USP15: variants seen among roughly 807,000 people sequenced by gnomAD.
USP15 encodes ubiquitin specific peptidase 15.
USP15 carries 18 observed loss-of-function variants against 127.1 expected under a neutral mutation model. That is an observed-to-expected ratio of 0.14 (90% CI 0.10 to 0.21). The LOEUF (loss-of-function observed/expected upper bound fraction) is 0.21, where lower values mean the gene tolerates loss of function less well. Ranked by LOEUF, USP15 falls within the 10% of genes least tolerant of loss-of-function variation. The pLI is 1.00. For missense variants in USP15, 805 were observed against 1,159.9 expected (o/e 0.69, Z 4.44); for synonymous variants, 364 against 393.7 (o/e 0.92, Z 0.89).
At chr12:62,398,502 TTA>T (rs1420289762) in intron 20 of USP15, among the ~76,000 whole-genome samples, 1 of 152,252 alleles carries the variant, frequency 6.6e-6, no homozygotes, top group Non-Finnish European at 1.5e-5. Context: ...CAGATTTTCA[TTA>T]TCTTTCAATT....
chr12:62,323,708 T>G (rs1310762152), intron 5 of USP15, among the ~76,000 whole-genome samples: 1 of 152,172 alleles, frequency 6.6e-6, no homozygotes, highest in Non-Finnish European at 1.5e-5. Context: ...AAGTACAATT[T>G]GAAATCTATA....
At chr12:62,301,371 A>G (rs1276680584) in intron 2 of USP15, among the ~76,000 whole-genome samples, 3 of 152,196 alleles carry the variant, frequency 2.0e-5, no homozygotes, top group African/African-American at 4.8e-5. Context: ...TTTTATCCAT[A>G]TGACCGATTG....
chr12:62,291,099 G>A (rs1214725822), intron 1 of USP15, among the ~76,000 whole-genome samples: 1 of 151,884 alleles, frequency 6.6e-6, no homozygotes, highest in South Asian at 2.1e-4. Flanking sequence ...TATTTTTCTG[G>A]GTTTCATTGA....
chr12:62,339,299 A>G (rs530983482), intron 6 of USP15, among the ~76,000 whole-genome samples: 22 of 152,270 alleles, frequency 1.4e-4, no homozygotes, highest in African/African-American at 4.1e-4. Context: ...GACTGAGACA[A>G]TGGGCTTTTC....
chr12:62,385,458 C>T (rs1330123916), intron 11 of USP15, among the ~76,000 whole-genome samples: 2 of 151,902 alleles, frequency 1.3e-5, no homozygotes, highest in Non-Finnish European at 2.9e-5. Context: ...TCCTTTTATT[C>T]AAAGTAATTA....
chr12:62,404,237 C>G lies in USP15; in HGVS notation c.2808C>G (p.Phe936Leu). Residue 936 changes from phenylalanine to leucine, a missense_variant, in exon 22 of 22, where the codon TTC (phenylalanine) becomes TTG (leucine). Coordinates refer to ENST00000280377, the MANE Select transcript of USP15 (RefSeq NM_001252078.2). ...YVLFYQRQDT[F>L]SGTGFFPLDR... ...TCTTCTACCAGAGACAAGACACTTT[C>G]AGTGGAACTGGCTTTTTTCCTCTTG... The G allele has an allele frequency of 1.2e-6, 2 of 1,613,250 alleles. No homozygotes were observed. Among genetic ancestry groups the G allele is most frequent in the East Asian group, 2.2e-5 (1 of 44,828 alleles).
In USP15 at chr12:62,389,552, T is replaced by G. The variant is rs374481022; in HGVS notation, c.1557+38T>G. The G allele has an allele frequency of 1.6e-5, 26 of 1,611,314 alleles. No individual in the cohort carries two copies. In the African/African-American group the frequency reaches 3.3e-4, roughly 21 times the overall value. On this transcript the variant is annotated intron_variant, in intron 12 of 21. Coordinates refer to ENST00000280377, the MANE Select transcript of USP15 (RefSeq NM_001252078.2). Reference sequence around the variant, plus strand: ...TGGGGTTGAAGTATATAAGTTGGTATTTAGTTTCTCAGTGCTGTAAAACCA... The same window carrying G: ...TGGGGTTGAAGTATATAAGTTGGTAGTTAGTTTCTCAGTGCTGTAAAACCA...
At chr12:62,375,730 T>C (rs2066807648) in intron 8 of USP15, among the ~76,000 whole-genome samples, 1 of 152,210 alleles carries the variant, frequency 6.6e-6, no homozygotes, top group Non-Finnish European at 1.5e-5. Flanking sequence ...CTAAGGAATA[T>C]GTCTTAAGAC....
chr12:62,271,531 G>A (rs1343934584), intron 1 of USP15, among the ~76,000 whole-genome samples: 1 of 151,828 alleles, frequency 6.6e-6, no homozygotes, highest in East Asian at 1.9e-4. Context: ...TTTATTTTGA[G>A]GAAGTCCCAA....
intron 17 of USP15, 122 bp from the exon 18 acceptor site, chr12:62,392,150 A>G: frequency 1.3e-6 from 1 of 762,326 alleles, no homozygotes; most frequent in Non-Finnish European, 2.1e-6. Flanking sequence ...CTCAACTGAA[A>G]TAAGCTTTAT....
Position 62,405,843 on chromosome 12 carries a change from T to C in USP15, c.*1468T>C, listed in dbSNP as rs1226248614. The C allele has an allele frequency of 6.6e-6, 1 of 152,562 alleles. No individual in the cohort carries two copies. Among genetic ancestry groups the C allele is most frequent in the African/African-American group, 2.4e-5 (1 of 41,442 alleles). 9.5% of individuals were successfully genotyped at this position (152,562 alleles called of 1,614,324 possible). On this transcript the variant is annotated 3_prime_UTR_variant, in exon 22 of 22. Coordinates refer to ENST00000280377, the MANE Select transcript of USP15 (RefSeq NM_001252078.2). ...CATTTTGGTAAATTATTTATTTATG[T>C]TAGCATTTAAAAGTTTAAAAAAAAT...
rs770187630 is a variant in USP15 at position 62,384,318 on chromosome 12, GTTTGT to G, written c.1473+25_1473+29del. Reference sequence around the variant, plus strand: ...ACCTATGCAGGTAAATCATGGGTTGGTTTGTTTTGTTTTTTTTTTTTTTTTTTTGC... The same window carrying G: ...ACCTATGCAGGTAAATCATGGGTTGGTTTGTTTTTTTTTTTTTTTTTTTGC... On this transcript the variant is annotated intron_variant, in intron 11 of 21. Transcript: ENST00000280377. 1.4e-5 allele frequency: 18 copies of G among 1,296,420 alleles called. No individual in the cohort carries two copies. Among genetic ancestry groups the G allele is most frequent in the Middle Eastern group, 2.4e-4 (1 of 4,098 alleles). 80.3% of individuals were successfully genotyped at this position (1,296,420 alleles called of 1,614,324 possible). A position where few individuals can be genotyped will look rare whatever the true frequency, so the allele number is the denominator to read the frequency against.
Position 62,409,843 on chromosome 12 carries a change from T to C in USP15, c.*5468T>C, listed in dbSNP as rs779850619. ...ATTTCTAATTTTTATTTAAAATCTT[T>C]CAGAATTCTTAGATTTTGTAACATA... On this transcript the variant is annotated 3_prime_UTR_variant, in exon 22 of 22. Transcript: ENST00000280377. 12 of 152,176 alleles carry C rather than the reference T, an allele frequency of 7.9e-5. No homozygotes were observed. The highest frequency in any genetic ancestry group is 1.5e-4 in the Non-Finnish European group (10 of 68,018). The allele number at this position is 152,176 out of a possible 1,614,324, so 9.4% of individuals were successfully genotyped here. A position where few individuals can be genotyped will look rare whatever the true frequency, so the allele number is the denominator to read the frequency against.
At chr12:62,396,731 A>G (rs1194956024) in intron 20 of USP15, among the ~76,000 whole-genome samples, 1 of 152,156 alleles carries the variant, frequency 6.6e-6, no homozygotes, top group Non-Finnish European at 1.5e-5. Context: ...ATTCATTTAT[A>G]TAATTGGTAC....
intron 2 of USP15, among the ~76,000 whole-genome samples, chr12:62,298,163 G>T (rs1435830143): frequency 6.6e-6 from 1 of 152,130 alleles, no homozygotes; most frequent in Non-Finnish European, 1.5e-5. Flanking sequence ...ACCATCAAAT[G>T]AACCAATTTG....
rs116527006 is a variant in USP15, at chr12:62,346,786, A to G, written c.684-2435A>G. ...CTTCATAGAATATAAAAGACCCTTT[A>G]TTATCATACCTACCTTAGTAACCTC... On this transcript the variant is annotated intron_variant, in intron 6 of 21. Coordinates refer to ENST00000280377, the MANE Select transcript of USP15 (RefSeq NM_001252078.2). Among the ~76,000 whole-genome samples, 889 of 152,296 alleles carry G rather than the reference A, an allele frequency of 5.8e-3. 8 individuals are homozygous for G. The highest frequency in any genetic ancestry group is 0.02 in the African/African-American group (851 of 41,580).
At chr12:62,316,956 T>A (rs2064846766) in intron 4 of USP15, among the ~76,000 whole-genome samples, 1 of 152,172 alleles carries the variant, frequency 6.6e-6, no homozygotes, top group Non-Finnish European at 1.5e-5. Flanking sequence ...ACATTATATA[T>A]GAACCCAATT....
chr12:62,300,626 T>C (rs1334167667), intron 2 of USP15, among the ~76,000 whole-genome samples: 1 of 152,158 alleles, frequency 6.6e-6, no homozygotes, highest in East Asian at 1.9e-4. Flanking sequence ...CATTCAGCTT[T>C]AGAAAAAGGT....
At chr12:62,350,723 C>G (rs992585175) in intron 7 of USP15, among the ~76,000 whole-genome samples, 18 of 152,118 alleles carry the variant, frequency 1.2e-4, no homozygotes, top group Non-Finnish European at 5.9e-5. Context: ...CTCCCAGGCT[C>G]AAGTGATCCT....
Sources: allele counts gnomAD v4.1 joint callset (sites outside exome capture counted in the v4.1 genomes callset), GRCh38; gene constraint gnomAD v4.1.1; transcripts MANE v1.5; gene names NCBI Gene and HGNC (gene_info 2026-07-23, HGNC 2026-07-21).